NPLOC4: variants seen among roughly 807,000 people sequenced by gnomAD.
NPLOC4 encodes NPL4 homolog, ubiquitin recognition factor.
In NPLOC4, 18 loss-of-function variants were observed where a neutral mutation model predicts 80.6. The ratio of observed to expected loss-of-function variants is 0.22; its 90% confidence interval spans 0.15 to 0.33. The LOEUF (loss-of-function observed/expected upper bound fraction) is 0.33, where lower values mean the gene tolerates loss of function less well. NPLOC4 is among the 10% of genes least tolerant of loss of function. The pLI, the probability that NPLOC4 is intolerant of heterozygous loss-of-function variation, is 1.00. For synonymous variants in NPLOC4, 313 were observed against 301.5 expected, an observed-to-expected ratio of 1.04 and a Z score of -0.39; for missense variants, 540 against 786.1, an observed-to-expected ratio of 0.69 and a Z score of 3.74.
Position 81,558,047 on chromosome 17 carries a change from G to A in NPLOC4, c.*1212C>T, listed in dbSNP as rs1168391703. The stretch of plus-strand genomic sequence containing the variant: ...GCAGCCCAGATGTGGCCATCATTAA[G>A]GCAAAGAAGCATCGAGATGCCCACC... On this transcript the variant is annotated 3_prime_UTR_variant, in exon 17 of 17. Coordinates refer to ENST00000331134, the MANE Select transcript of NPLOC4 (RefSeq NM_017921.4). The A allele has an allele frequency of 6.6e-6, 1 of 152,442 alleles. No individual in the cohort carries two copies. The highest frequency in any genetic ancestry group is 1.5e-5 in the Non-Finnish European group (1 of 68,134). 9.4% of individuals were successfully genotyped at this position (152,442 alleles called of 1,614,324 possible). A position where few individuals can be genotyped will look rare whatever the true frequency, so the allele number is the denominator to read the frequency against.
intron 12 of NPLOC4, among the ~76,000 whole-genome samples, chr17:81,578,767 A>G (rs192372149): frequency 6.6e-6 from 1 of 152,298 alleles, no homozygotes; most frequent in East Asian, 1.9e-4. Flanking sequence ...TCTCCTTGAC[A>G]CCTGGGGATT....
intron 12 of NPLOC4, among the ~76,000 whole-genome samples, chr17:81,576,983 C>T (rs943013513): frequency 5.3e-5 from 8 of 152,342 alleles, no homozygotes; most frequent in African/African-American, 1.9e-4. Flanking sequence ...AATCCTAGTT[C>T]TAGCAATTCA....
chr17:81,560,882 G>A (rs145670674), intron 16 of NPLOC4: 1 of 152,072 alleles, frequency 6.6e-6, no homozygotes, highest in Non-Finnish European at 1.5e-5. Context: ...ACATTGTCGC[G>A]TTTTTTTCAT....
intron 2 of NPLOC4, among the ~76,000 whole-genome samples, chr17:81,626,301 GC>G (rs2035794289): frequency 1.3e-5 from 2 of 148,440 alleles, no homozygotes; most frequent in South Asian, 4.3e-4. Context: ...GGGCAACAGA[GC>G]GAGACTCCAT....
chr17:81,570,066 G>A (rs1484886398), intron 13 of NPLOC4, among the ~76,000 whole-genome samples: 1 of 152,220 alleles, frequency 6.6e-6, no homozygotes, highest in Non-Finnish European at 1.5e-5. Flanking sequence ...ATCAGCAAAG[G>A]CAGTGAGTTG....
chr17:81,560,274 G>A (rs1019626634), intron 16 of NPLOC4, among the ~76,000 whole-genome samples: 5 of 152,000 alleles, frequency 3.3e-5, no homozygotes, highest in South Asian at 2.1e-4. Context: ...TTAGCCAGGC[G>A]TGGTGGTAGA....
intron 13 of NPLOC4, among the ~76,000 whole-genome samples, chr17:81,571,696 T>G (rs1324091412): frequency 6.6e-6 from 1 of 152,244 alleles, no homozygotes; most frequent in Non-Finnish European, 1.5e-5. Flanking sequence ...GGGGGTTCGC[T>G]GCCTTCCAGA....
At chr17:81,617,990 G>A (rs1419833415) in intron 3 of NPLOC4, among the ~76,000 whole-genome samples, 34 of 152,274 alleles carry the variant, frequency 2.2e-4, no homozygotes, top group African/African-American at 7.5e-4. Context: ...GTGCAGTGGC[G>A]TGATCTCGGC....
chr17:81,617,532 G>A (rs931951068), intron 3 of NPLOC4, among the ~76,000 whole-genome samples: 8 of 151,926 alleles, frequency 5.3e-5, no homozygotes, highest in African/African-American at 7.3e-5. Context: ...AAATTAGGCC[G>A]GGCACAGTGG....
rs1053822222 is a variant in NPLOC4 at position 81,577,214 on chromosome 17, C to T, written c.1282-5126G>A. ...GCTCCTATGTCCCCTCAGCTCCCCA[C>T]GGCGCTCTGACCCGCCCCACCCCAT... On this transcript the variant is annotated intron_variant, in intron 12 of 16. Coordinates refer to ENST00000331134, the MANE Select transcript of NPLOC4 (RefSeq NM_017921.4). This position sits in a 1 kb window ranked among gnomAD's most constrained non-coding sequence, Gnocchi z 4.3. Among the ~76,000 whole-genome samples the T allele has an allele frequency of 9.2e-5, 14 of 152,162 alleles. No homozygotes were observed. Among genetic ancestry groups the T allele is most frequent in the Admixed American group, 2.0e-4 (3 of 15,298 alleles).
chr17:81,633,978 C>G lies in NPLOC4; in HGVS notation c.15+2938G>C, dbSNP rs980734505. On this transcript the variant is annotated intron_variant, in intron 1 of 16. Transcript: ENST00000331134. ...GCCTCCCGGGTTCTAACTTTTCTGC[C>G]TCAGCCTCCTGAGTGGCTGGGACTA... 7.2e-5 allele frequency among the ~76,000 whole-genome samples: 11 copies of G among 151,908 alleles called. No homozygotes were observed. The East Asian group carries it at 2.1e-3, about 29-fold the overall frequency.
chr17:81,594,934 C>A (rs191862577), intron 11 of NPLOC4, among the ~76,000 whole-genome samples: 1 of 151,452 alleles, frequency 6.6e-6, no homozygotes, highest in South Asian at 2.1e-4. Context: ...AGAGCAAGAA[C>A]ATGTCTCAAA....
At chr17:81,602,609 G>A (rs2035087160) in intron 8 of NPLOC4, among the ~76,000 whole-genome samples, 3 of 151,810 alleles carry the variant, frequency 2.0e-5, no homozygotes, top group African/African-American at 7.3e-5. Context: ...GGCTGAGGCA[G>A]GAGAATCACT....
chr17:81,588,839 C>T (rs978137280), intron 12 of NPLOC4, 105 bp downstream of exon 12: 1 of 971,254 alleles, frequency 1.0e-6, no homozygotes, highest in African/African-American at 1.6e-5. Flanking sequence ...TCAACCACAG[C>T]TGACAAACGG....
At chr17:81,605,824 C>CTTTTTT (rs766106515) in intron 7 of NPLOC4, among the ~76,000 whole-genome samples, 1 of 141,076 alleles carries the variant, frequency 7.1e-6, no homozygotes, top group Non-Finnish European at 1.5e-5. Context: ...AACACATTTT[C>CTTTTTT]TTTTTTTTTT....
chr17:81,580,165 C>G lies in NPLOC4; in HGVS notation c.1282-8077G>C, dbSNP rs934537079. Reference sequence around the variant, plus strand: ...CAGGATGGACAACTCGGCCTCTCACCAGGCCTCAAGCACCACCCCAACACC... The same window carrying G: ...CAGGATGGACAACTCGGCCTCTCACGAGGCCTCAAGCACCACCCCAACACC... On this transcript the variant is annotated intron_variant, in intron 12 of 16. Coordinates refer to ENST00000331134, the MANE Select transcript of NPLOC4 (RefSeq NM_017921.4). The surrounding 1 kb of genome is among the most constrained non-coding windows in gnomAD (Gnocchi z 4.4). 6.6e-6 allele frequency among the ~76,000 whole-genome samples: 1 copy of G among 152,170 alleles called. No homozygotes were observed. The highest frequency in any genetic ancestry group is 6.5e-5 in the Admixed American group (1 of 15,286).
At position 81,597,181 on chromosome 17, in the gene NPLOC4, T is replaced by C. The variant is rs562298488; in HGVS notation, c.993+64A>G. 175 of 1,177,724 alleles carry C rather than the reference T, an allele frequency of 1.5e-4. 1 individual carries two copies. In the South Asian group the frequency reaches 2.1e-3, roughly 14 times the overall value. 73.0% of individuals were successfully genotyped at this position (1,177,724 alleles called of 1,614,324 possible). A position where few individuals can be genotyped will look rare whatever the true frequency, so the allele number is the denominator to read the frequency against. ...CAGCGGTGCAAAGAGACCCTGATAA[T>C]GCAGGCCAACACCATCTGTAACCAA... On this transcript the variant is annotated intron_variant, in intron 10 of 16. Transcript: ENST00000331134.
chr17:81,595,534 A>ATTTTTTTTTTTTTT (rs113450373), intron 11 of NPLOC4, among the ~76,000 whole-genome samples: 2 of 139,644 alleles, frequency 1.4e-5, no homozygotes, highest in Non-Finnish European at 3.1e-5. Context: ...ATATATATAT[A>ATTTTTTTTTTTTTT]TTTTTTTTTT....
chr17:81,620,831 T>C (rs568689746), intron 3 of NPLOC4, among the ~76,000 whole-genome samples: 1 of 152,158 alleles, frequency 6.6e-6, no homozygotes, highest in South Asian at 2.1e-4. Context: ...AATGGTTACG[T>C]GTTCCAGATT....
Sources: gnomAD v4.1 joint callset for allele counts (sites outside exome capture counted in the v4.1 genomes callset) on GRCh38, gnomAD v4.1.1 for gene constraint, Gnocchi (gnomAD v3.1) non-coding constraint, MANE v1.5 for transcripts, NCBI Gene and HGNC (gene_info 2026-07-23, HGNC 2026-07-21) for gene names.